CD44: variants seen among roughly 807,000 people sequenced by gnomAD.
CD44 encodes CD44 molecule (IN blood group), also known as CD44 antigen.
CD44 carries 49 observed loss-of-function variants against 88.8 expected under a neutral mutation model. The observed-to-expected ratio is 0.55, with a 90% CI of 0.44 to 0.70. The LOEUF is 0.70. Among genes scored for constraint, CD44 ranks in the 30% least tolerant of loss-of-function variants. The pLI is 0.00. For missense variants in CD44, 883 were observed against 913.8 expected (o/e 0.97, Z 0.43); for synonymous variants, 325 against 312.3 (o/e 1.04, Z -0.43).
At chr11:35,185,724 T>C (rs934886524) in intron 3 of CD44, among the ~76,000 whole-genome samples, 1 of 152,200 alleles carries the variant, frequency 6.6e-6, no homozygotes, top group Admixed American at 6.5e-5. Flanking sequence ...ATAAAAGCTG[T>C]AATGCACAAA....
intron 17 of CD44, among the ~76,000 whole-genome samples, chr11:35,224,121 TA>T (rs1242486813): frequency 6.6e-6 from 1 of 152,194 alleles, no homozygotes; most frequent in Non-Finnish European, 1.5e-5. Flanking sequence ...AAATTATGGT[TA>T]AAAGACAAAA....
At chr11:35,146,944 A>G (rs769393751) in intron 1 of CD44, among the ~76,000 whole-genome samples, 41 of 152,234 alleles carry the variant, frequency 2.7e-4, no homozygotes, top group Non-Finnish European at 5.3e-4. Context: ...CTGCCAATGC[A>G]TATTCTGAGT....
At position 35,216,225 on chromosome 11, in the gene CD44, C is replaced by T. The variant is rs547229029; in HGVS notation, c.1873+1311C>T. 9.9e-5 allele frequency among the ~76,000 whole-genome samples: 15 copies of T among 152,032 alleles called. No individual in the cohort carries two copies. In the South Asian group the frequency reaches 2.5e-3, roughly 25 times the overall value. On this transcript the variant is annotated intron_variant, in intron 15 of 17. Transcript: ENST00000428726. ...CAGATCACACCCCTACAAACCTTACCCCAGACTGCAAAAGTCTGACATGAG... is the reference window on the plus strand; with the variant it reads ...CAGATCACACCCCTACAAACCTTACTCCAGACTGCAAAAGTCTGACATGAG...
intron 9 of CD44, among the ~76,000 whole-genome samples, chr11:35,202,835 A>G (rs371164713): frequency 6.6e-6 from 1 of 152,208 alleles, no homozygotes; most frequent in East Asian, 1.9e-4. Context: ...GAAGTCTGAT[A>G]AGAAAAGGAA....
At chr11:35,166,652 G>A (rs981954107) in intron 1 of CD44, among the ~76,000 whole-genome samples, 1 of 152,202 alleles carries the variant, frequency 6.6e-6, no homozygotes, top group Non-Finnish European at 1.5e-5. Context: ...ACGGAAAAAA[G>A]GCAGAGAAAT....
rs193123784 is a variant in CD44 at position 35,155,842 on chromosome 11, A to G, written c.67+16472A>G. The stretch of plus-strand genomic sequence containing the variant: ...GGGAAATGGCCGTCTTCCCTTTTCT[A>G]CTGCACTCTTAGAGTGCATTAATGT... On this transcript the variant is annotated intron_variant, in intron 1 of 17. Coordinates refer to ENST00000428726, the MANE Select transcript of CD44 (RefSeq NM_000610.4). Among the ~76,000 whole-genome samples, 36 of 152,230 alleles carry G rather than the reference A, an allele frequency of 2.4e-4. No homozygotes were observed. The East Asian group carries it at 5.4e-3, about 23-fold the overall frequency.
intron 12 of CD44, 133 bp downstream of exon 12, chr11:35,208,339 T>A (rs1050006724): frequency 1.5e-6 from 1 of 649,660 alleles, no homozygotes; most frequent in Non-Finnish European, 2.8e-6. Flanking sequence ...AGTGTGAAAC[T>A]GTCTTCATTG....
intron 1 of CD44, among the ~76,000 whole-genome samples, chr11:35,165,649 C>A (rs985688526): frequency 6.6e-6 from 1 of 152,160 alleles, no homozygotes; most frequent in Non-Finnish European, 1.5e-5. Flanking sequence ...GTATGCACAT[C>A]AACCTTCTCA....
intron 1 of CD44, among the ~76,000 whole-genome samples, chr11:35,163,845 G>T (rs1485251704): frequency 1.3e-5 from 2 of 152,140 alleles, no homozygotes; most frequent in Non-Finnish European, 2.9e-5. Context: ...AGCAAGGAGA[G>T]AGACATTTGC....
At chr11:35,181,079 A>T (rs1944943339) in intron 3 of CD44, among the ~76,000 whole-genome samples, 1 of 152,238 alleles carries the variant, frequency 6.6e-6, no homozygotes, top group South Asian at 2.1e-4. Flanking sequence ...GGAAGTCATT[A>T]CAGGTTTTGA....
At chr11:35,198,399 G>T (rs1946969119) in intron 7 of CD44, 153 bp downstream of exon 7, 3 of 591,248 alleles carry the variant, frequency 5.1e-6, no homozygotes, top group Non-Finnish European at 8.3e-6. Flanking sequence ...GATTATGGAA[G>T]AAGAAATAGA....
chr11:35,175,411 A>T (rs1231552076), intron 1 of CD44, among the ~76,000 whole-genome samples: 2 of 152,240 alleles, frequency 1.3e-5, no homozygotes, highest in African/African-American at 4.8e-5. Flanking sequence ...CTGTATATTC[A>T]GTACCATTTC....
At chr11:35,176,903 C>A in intron 2 of CD44, 163 bp downstream of exon 2, 1 of 641,000 alleles carries the variant, frequency 1.6e-6, no homozygotes, top group Non-Finnish European at 2.6e-6. Flanking sequence ...TGTATGACAA[C>A]TGGAGTTTAA....
chr11:35,226,628 C>T lies in CD44; in HGVS notation c.2025-2501C>T, dbSNP rs76808912. ...AACCCAAACCTTAGTTTCCTTACCC[C>T]GCATAAGAGCAAGAATAACAATTAT... On this transcript the variant is annotated intron_variant, in intron 17 of 17. Transcript: ENST00000428726. Among the ~76,000 whole-genome samples the T allele has an allele frequency of 6.0e-4, 91 of 151,950 alleles. 1 individual carries two copies. The highest frequency in any genetic ancestry group is 3.1e-3 in the East Asian group (16 of 5,188).
chr11:35,149,480 G>A (rs12275533), intron 1 of CD44, among the ~76,000 whole-genome samples: 3,214 of 152,292 alleles, frequency 0.021, 104 homozygotes, highest in African/African-American at 0.073. Flanking sequence ...TACTTAGCAC[G>A]TAATTTCTAA....
chr11:35,144,195 T>C (rs1177606719), intron 1 of CD44, among the ~76,000 whole-genome samples: 1 of 152,220 alleles, frequency 6.6e-6, no homozygotes, highest in African/African-American at 2.4e-5. Context: ...TCCTCAGCAC[T>C]GCCTCCTGGC....
chr11:35,189,648 T>C (rs554991244), intron 4 of CD44, among the ~76,000 whole-genome samples, 187 bp from the exon 5 acceptor site: 1 of 152,284 alleles, frequency 6.6e-6, no homozygotes, highest in Admixed American at 6.5e-5. Flanking sequence ...TCCTGCCTCA[T>C]CCCCAGGGTG....
chr11:35,139,428 C>A, intron 1 of CD44, 58 bp downstream of exon 1: 6 of 1,466,916 alleles, frequency 4.1e-6, no homozygotes, highest in Non-Finnish European at 4.7e-6. Context: ...AGCGCGGACC[C>A]GGCGGCAGCC....
chr11:35,227,370 C>T lies in CD44; in HGVS notation c.2025-1759C>T, dbSNP rs957691755. ...CCGGCTTATCTTTGTATTTTGAATA[C>T]AGACTGGGTTTTACCATGTTGCCCA... On this transcript the variant is annotated intron_variant, in intron 17 of 17. Coordinates refer to ENST00000428726, the MANE Select transcript of CD44 (RefSeq NM_000610.4). Among the ~76,000 whole-genome samples, 13 of 152,282 alleles carry T rather than the reference C, an allele frequency of 8.5e-5. No individual in the cohort carries two copies. The East Asian group carries it at 2.5e-3, about 29-fold the overall frequency.
Sources: allele counts gnomAD v4.1 joint callset (sites outside exome capture counted in the v4.1 genomes callset), GRCh38; gene constraint gnomAD v4.1.1; transcripts MANE v1.5; gene names NCBI Gene and HGNC (gene_info 2026-07-23, HGNC 2026-07-21).